The following CMSS1 variants were observed in gnomAD, a reference collection of about 807,000 sequenced individuals.
The protein encoded by CMSS1 is cms1 ribosomal small subunit homolog, also known as protein CMSS1.
A neutral mutation model predicts 43.5 loss-of-function variants in CMSS1; 33 were observed. The observed-to-expected ratio is 0.76, with a 90% CI of 0.57 to 1.01. The LOEUF (loss-of-function observed/expected upper bound fraction) is 1.01. Ranked by LOEUF, CMSS1 falls within the 50% of genes least tolerant of loss-of-function variation. CMSS1 has a pLI of 0.00. For missense variants in CMSS1, 313 were observed against 326.4 expected (o/e 0.96, Z 0.32); for synonymous variants, 115 against 117.2 (o/e 0.98, Z 0.12).
rs745509650 is a variant in CMSS1 at position 99,910,735 on chromosome 3, C to T, written c.64+92692C>T. Among the ~76,000 whole-genome samples the T allele has an allele frequency of 5.5e-4, 46 of 83,958 alleles. 13 individuals carry two copies. The highest frequency in any genetic ancestry group is 1.4e-3 in the Non-Finnish European group (43 of 31,120). The allele number at this position is 83,958 out of a possible 152,430, so 55.1% of individuals were successfully genotyped here. On this transcript the variant is annotated intron_variant, in intron 1 of 9. Coordinates refer to ENST00000421999, the MANE Select transcript of CMSS1 (RefSeq NM_032359.4). ...CAAATTCTTTGCCCAAATAGTTACC[C>T]ATACTCTTCTCAGAACCCTCATGCA...
chr3:100,123,069 G>A (rs1022038849), intron 1 of CMSS1, among the ~76,000 whole-genome samples: 3 of 152,226 alleles, frequency 2.0e-5, no homozygotes, highest in Admixed American at 6.5e-5. Context: ...AAGTCTATGG[G>A]AAGGATCAAA....
intron 1 of CMSS1, among the ~76,000 whole-genome samples, chr3:100,124,965 C>T (rs747451252): frequency 2.0e-4 from 31 of 152,156 alleles, no homozygotes; most frequent in African/African-American, 7.2e-4. Flanking sequence ...CACTGCTTGA[C>T]GCTTCCCTTT....
intron 1 of CMSS1, among the ~76,000 whole-genome samples, chr3:100,129,260 A>G (rs1332527450): frequency 6.6e-6 from 1 of 152,180 alleles, no homozygotes; most frequent in Non-Finnish European, 1.5e-5. Flanking sequence ...TGCCTAGTAC[A>G]TAGTAGGTGC....
At chr3:99,827,851 G>A (rs570730474) in intron 1 of CMSS1, among the ~76,000 whole-genome samples, 2 of 152,212 alleles carry the variant, frequency 1.3e-5, no homozygotes, top group South Asian at 2.1e-4. Context: ...GTGATCCACC[G>A]CCTCGGACTC....
chr3:100,092,025 T>A (rs1465438854), intron 1 of CMSS1, among the ~76,000 whole-genome samples: 1 of 152,214 alleles, frequency 6.6e-6, no homozygotes, highest in Non-Finnish European at 1.5e-5. Context: ...TTGTGCCACA[T>A]ATGTAAAATG....
At chr3:99,938,050 A>AGTGT (rs71625545) in intron 1 of CMSS1, among the ~76,000 whole-genome samples, 4,362 of 148,926 alleles carry the variant, frequency 0.029, 86 homozygotes, top group Middle Eastern at 0.04. Flanking sequence ...AGGCTCAGGA[A>AGTGT]GTGTGTGTGT....
At chr3:99,862,195 A>G (rs1352256538) in intron 1 of CMSS1, among the ~76,000 whole-genome samples, 1 of 152,214 alleles carries the variant, frequency 6.6e-6, no homozygotes, top group Non-Finnish European at 1.5e-5. Context: ...GGCCCTAAAT[A>G]TAGTTTTAAT....
At chr3:99,848,547 C>T in intron 1 of CMSS1, 1 of 1,614,190 alleles carries the variant, frequency 6.2e-7, no homozygotes, top group Non-Finnish European at 8.5e-7. Flanking sequence ...AACGCTGAAA[C>T]TGCCATGATG....
At chr3:99,941,830 T>G (rs1282353151) in intron 1 of CMSS1, among the ~76,000 whole-genome samples, 1 of 152,156 alleles carries the variant, frequency 6.6e-6, no homozygotes, top group Non-Finnish European at 1.5e-5. Flanking sequence ...ATTTGTGAGG[T>G]GTTTTTCAGA....
At chr3:99,887,308 T>A in intron 1 of CMSS1, among the ~76,000 whole-genome samples, 1 of 151,836 alleles carries the variant, frequency 6.6e-6, no homozygotes, top group East Asian at 1.9e-4. Flanking sequence ...ATCTGGTAGA[T>A]CTTCATCAGA....
At chr3:99,858,487 C>G (rs1446742928) in intron 1 of CMSS1, among the ~76,000 whole-genome samples, 1 of 152,014 alleles carries the variant, frequency 6.6e-6, no homozygotes, top group African/African-American at 2.4e-5. Flanking sequence ...TAAAAAAAAT[C>G]ATTTGTTAAA....
rs116702329 is a variant in CMSS1, at chr3:99,963,037, G to A, written c.64+144994G>A. ...GGAGCTAGCCTGGGTTTTACCAGCC[G>A]TTGAGGTTGCTTGCAGCCTTAGTTT... On this transcript the variant is annotated intron_variant, in intron 1 of 9. Coordinates refer to ENST00000421999, the MANE Select transcript of CMSS1 (RefSeq NM_032359.4). 4.7e-3 allele frequency among the ~76,000 whole-genome samples: 709 copies of A among 152,334 alleles called. 6 individuals are homozygous for A. The highest frequency in any genetic ancestry group is 0.016 in the African/African-American group (671 of 41,574).
rs1707041156 is a variant in CMSS1 at position 99,918,981 on chromosome 3, TACAATGTATTCTACA to T, written c.64+100944_64+100958del. Among the ~76,000 whole-genome samples, 8 of 152,346 alleles carry T rather than the reference TACAATGTATTCTACA, an allele frequency of 5.3e-5. No individual in the cohort carries two copies. In the South Asian group the frequency reaches 1.7e-3, roughly 32 times the overall value. The stretch of plus-strand genomic sequence containing the variant: ...CTGAAAGGAAATGATTGCATTTGAG[TACAATGTATTCTACA>T]ACAATAGTTTAGTGTGTATGAAATT... On this transcript the variant is annotated intron_variant, in intron 1 of 9. Transcript: ENST00000421999.
chr3:99,866,157 T>A (rs1944505523), intron 1 of CMSS1, among the ~76,000 whole-genome samples: 1 of 152,130 alleles, frequency 6.6e-6, no homozygotes, highest in South Asian at 2.1e-4. Flanking sequence ...AGTTAAAACT[T>A]TTTTTAAGCC....
intron 1 of CMSS1, among the ~76,000 whole-genome samples, chr3:99,892,970 C>G (rs534703181): frequency 4.6e-5 from 7 of 152,174 alleles, no homozygotes; most frequent in Admixed American, 2.0e-4. Flanking sequence ...GCTGATCCCC[C>G]AAAACAGAGC....
At chr3:100,055,374 C>G (rs1208545211) in intron 1 of CMSS1, among the ~76,000 whole-genome samples, 2 of 152,144 alleles carry the variant, frequency 1.3e-5, no homozygotes, top group African/African-American at 4.8e-5. Context: ...ATCAAGGTGA[C>G]TGTATGATCC....
At chr3:100,084,501 AT>A in intron 1 of CMSS1, among the ~76,000 whole-genome samples, 1 of 152,192 alleles carries the variant, frequency 6.6e-6, no homozygotes, top group Non-Finnish European at 1.5e-5. Flanking sequence ...TGCTCCAAAG[AT>A]TTGTTTAAAA....
intron 1 of CMSS1, among the ~76,000 whole-genome samples, chr3:99,881,576 A>G (rs1419841240): frequency 1.3e-5 from 2 of 150,518 alleles, no homozygotes; most frequent in East Asian, 2.0e-4. Flanking sequence ...TCTGTTGCCC[A>G]GATTGGAGTG....
At chr3:100,051,136 G>A (rs1277358912) in intron 1 of CMSS1, 1 of 152,026 alleles carries the variant, frequency 6.6e-6, no homozygotes, top group Non-Finnish European at 1.5e-5. Flanking sequence ...GTTAAGATCA[G>A]TGAAACCCTT....
Sources: gnomAD v4.1 joint callset for allele counts (sites outside exome capture counted in the v4.1 genomes callset) on GRCh38, gnomAD v4.1.1 for gene constraint, MANE v1.5 for transcripts, NCBI Gene and HGNC (gene_info 2026-07-23, HGNC 2026-07-21) for gene names.